Variants in RIN2 observed in about 807,000 individuals in gnomAD.
The protein encoded by RIN2 is RAB5 interacting protein 2.
Under a neutral mutation model 78.0 loss-of-function variants are expected in RIN2, and 36 were observed. That is an observed-to-expected ratio of 0.46 (90% CI 0.35 to 0.61). The LOEUF is 0.61. Ranked by LOEUF, RIN2 falls within the 20% of genes least tolerant of loss-of-function variation. The probability of loss-of-function intolerance (pLI) is 0.00; values close to 1 mark genes in which losing one functional copy is unlikely to be tolerated. For missense variants in RIN2, 1,087 were observed against 1,159.7 expected (o/e 0.94, Z 0.91); for synonymous variants, 466 against 466.8 (o/e 1.00, Z 0.02).
intron 7 of RIN2, among the ~76,000 whole-genome samples, chr20:19,969,269 C>T (rs1259026581): frequency 4.6e-5 from 7 of 152,178 alleles, no homozygotes; most frequent in African/African-American, 4.8e-5. Context: ...ATTCTCAGCA[C>T]GTCTCATGAT....
intron 4 of RIN2, among the ~76,000 whole-genome samples, chr20:19,944,021 G>T (rs2040989024): frequency 9.1e-6 from 1 of 109,356 alleles, no homozygotes; most frequent in African/African-American, 3.6e-5. Context: ...CTAGACTCAA[G>T]TTCTGAACTT....
At chr20:19,852,368 C>A (rs748400061) in intron 2 of RIN2, among the ~76,000 whole-genome samples, 13 of 152,174 alleles carry the variant, frequency 8.5e-5, no homozygotes, top group Non-Finnish European at 4.4e-5. Context: ...AGAAAGTCAC[C>A]TTATTGATCT....
Position 19,867,937 on chromosome 20 carries a change from C to T in RIN2, c.-36-21629C>T, listed in dbSNP as rs368566484. ...TGCTCTCTGAACTGCAAGGCGTTTT[C>T]GTGGGACAAGAAAGGGCAGCATCAG... On this transcript the variant is annotated intron_variant, in intron 2 of 12. Transcript: ENST00000255006. Among the ~76,000 whole-genome samples the T allele has an allele frequency of 4.6e-5, 7 of 152,308 alleles. No individual in the cohort carries two copies. The East Asian group carries it at 1.2e-3, about 25-fold the overall frequency.
chr20:19,958,272 C>T (rs2041620221), intron 5 of RIN2, among the ~76,000 whole-genome samples: 1 of 152,238 alleles, frequency 6.6e-6, no homozygotes, highest in South Asian at 2.1e-4. Flanking sequence ...TAGTTTTGTT[C>T]TATAGGATCA....
chr20:19,930,576 G>A (rs1003652306), intron 3 of RIN2, among the ~76,000 whole-genome samples: 4 of 152,170 alleles, frequency 2.6e-5, no homozygotes, highest in African/African-American at 9.7e-5. Flanking sequence ...CCAGTGACGG[G>A]GCTTCCTGCT....
At chr20:19,870,506 G>A (rs6136864) in intron 2 of RIN2, among the ~76,000 whole-genome samples, 31,274 of 151,958 alleles carry the variant, frequency 0.21, 3,317 homozygotes, top group East Asian at 0.26. Flanking sequence ...AATTAGCCAG[G>A]CACGATGGTG....
At chr20:19,810,933 G>A (rs536662867) in intron 2 of RIN2, among the ~76,000 whole-genome samples, 21 of 149,326 alleles carry the variant, frequency 1.4e-4, no homozygotes, top group African/African-American at 4.9e-4. Flanking sequence ...GGATTGTCTC[G>A]ATCTCCTGAC....
intron 5 of RIN2, among the ~76,000 whole-genome samples, chr20:19,957,741 T>C (rs932438517): frequency 6.6e-6 from 1 of 152,196 alleles, no homozygotes; most frequent in Non-Finnish European, 1.5e-5. Flanking sequence ...TTGCCCCATG[T>C]GGCTGTTTAA....
At position 19,970,752 on chromosome 20, in the gene RIN2, G is replaced by A. The variant is rs2042077155; in HGVS notation, c.537-86G>A. On this transcript the variant is annotated intron_variant, in intron 7 of 12. Transcript: ENST00000255006. ...ACTTAGGACATTTTAAACAGTTTAA[G>A]CTAAAACATCTCTATGATGAAAATA... 1.3e-5 allele frequency: 14 copies of A among 1,084,554 alleles called. No individual in the cohort carries two copies. In the South Asian group the frequency reaches 1.6e-4, roughly 12 times the overall value. 67.2% of individuals were successfully genotyped at this position (1,084,554 alleles called of 1,614,324 possible). A position where few individuals can be genotyped will look rare whatever the true frequency, so the allele number is the denominator to read the frequency against.
chr20:19,849,075 A>G (rs963701171), intron 2 of RIN2, among the ~76,000 whole-genome samples: 1 of 152,134 alleles, frequency 6.6e-6, no homozygotes, highest in African/African-American at 2.4e-5. Flanking sequence ...GCTATTGGCC[A>G]TTTGGGGAGT....
chr20:19,942,016 A>T (rs1490746485), intron 4 of RIN2, among the ~76,000 whole-genome samples: 1 of 151,576 alleles, frequency 6.6e-6, no homozygotes, highest in Non-Finnish European at 1.5e-5. Flanking sequence ...AGGATGAGGC[A>T]AGAGAATTGC....
chr20:19,854,094 A>G (rs1317511778), intron 2 of RIN2, among the ~76,000 whole-genome samples: 2 of 152,170 alleles, frequency 1.3e-5, no homozygotes, highest in Admixed American at 6.5e-5. Context: ...AGCTTTCTAC[A>G]TATGGCTAGC....
intron 2 of RIN2, among the ~76,000 whole-genome samples, chr20:19,885,014 G>T (rs1277424533): frequency 6.6e-6 from 1 of 152,062 alleles, no homozygotes; most frequent in South Asian, 2.1e-4. Flanking sequence ...CGTGCTGCCC[G>T]GCCTCATTTA....
chr20:19,882,895 G>A (rs186452917), intron 2 of RIN2, among the ~76,000 whole-genome samples: 1 of 152,150 alleles, frequency 6.6e-6, no homozygotes, highest in Admixed American at 6.5e-5. Flanking sequence ...TTAAGACAAT[G>A]CTAGGTATCT....
intron 2 of RIN2, among the ~76,000 whole-genome samples, chr20:19,879,303 CT>C (rs1431066437): frequency 6.6e-6 from 1 of 152,194 alleles, no homozygotes; most frequent in East Asian, 1.9e-4. Context: ...ACACAAAATA[CT>C]AAGTTATTTT....
At chr20:19,817,244 T>C (rs1194369814) in intron 2 of RIN2, among the ~76,000 whole-genome samples, 1 of 152,238 alleles carries the variant, frequency 6.6e-6, no homozygotes. Flanking sequence ...AATAGAAATG[T>C]ACTGCTCACA....
chr20:19,803,834 G>C (rs902969761), intron 2 of RIN2, among the ~76,000 whole-genome samples: 2 of 152,176 alleles, frequency 1.3e-5, no homozygotes, highest in African/African-American at 4.8e-5. Context: ...CTTGAGCATG[G>C]GATGTTTTTC....
At chr20:19,877,247 TGCAGTAACTCGA>T (rs59012572) in intron 2 of RIN2, among the ~76,000 whole-genome samples, 18,441 of 152,196 alleles carry the variant, frequency 0.12, 1,345 homozygotes, top group East Asian at 0.29. Context: ...TCCTATTATC[TGCAGTAACTCGA>T]GGTCAATGGA....
intron 4 of RIN2, among the ~76,000 whole-genome samples, chr20:19,944,581 A>T (rs2041010118): frequency 6.6e-6 from 1 of 152,224 alleles, no homozygotes. Context: ...GCAGCTGGTT[A>T]AGACAACAGC....
Sources: gnomAD v4.1 joint callset for allele counts (sites outside exome capture counted in the v4.1 genomes callset) on GRCh38, gnomAD v4.1.1 for gene constraint, MANE v1.5 for transcripts, NCBI Gene and HGNC (gene_info 2026-07-23, HGNC 2026-07-21) for gene names.